The following ABCA1 variants were observed in gnomAD, a reference collection of about 807,000 sequenced individuals.
The protein encoded by ABCA1 is ATP binding cassette subfamily A member 1.
Under a neutral mutation model 262.5 loss-of-function variants are expected in ABCA1, and 133 were observed. That is an observed-to-expected ratio of 0.51 (90% confidence interval 0.44 to 0.59). ABCA1 has a LOEUF of 0.59. ABCA1 is among the 20% of genes least tolerant of loss of function. The probability of loss-of-function intolerance (pLI) is 0.00; values close to 1 mark genes in which losing one functional copy is unlikely to be tolerated. For missense variants in ABCA1, 2,452 were observed against 2,777.5 expected, an observed-to-expected ratio of 0.88 and a Z score of 2.63; for synonymous variants, 1,022 against 1,043.5, an observed-to-expected ratio of 0.98 and a Z score of 0.40.
In ABCA1 at chr9:104,802,096, A is replaced by T; in HGVS notation, c.4656T>A (p.Asn1552Lys). The T allele has an allele frequency of 6.2e-7, 1 of 1,614,192 alleles. No individual in the cohort carries two copies. Among genetic ancestry groups the T allele is most frequent in the African/African-American group, 1.3e-5 (1 of 75,046 alleles). The change falls in exon 34 of 50, where the codon AAT becomes AAA. Residue 1552 changes from asparagine to lysine, a missense_variant. Asn to Lys is a moderately conservative substitution (Grantham distance 94). Around this residue, in one of 4 missense-constraint regions of ABCA1, gnomAD observed 752 missense variants for 944.5 expected, o/e 0.80. Coordinates refer to ENST00000374736, the MANE Select transcript of ABCA1 (RefSeq NM_005502.4). ...TQALPPSQEV[N>K]DAIKQMKKHL... ...GTTTCTTCATTTGTTTGATGGCATC[A>T]TTAACTTCTTGACTCGGAGGAAGTG...
rs150765307 is a variant in ABCA1, at chr9:104,897,116, T to C, written c.66+6498A>G. Among the ~76,000 whole-genome samples the C allele has an allele frequency of 2.8e-3, 422 of 152,220 alleles. 2 individuals carry two copies. Among genetic ancestry groups the C allele is most frequent in the African/African-American group, 9.7e-3 (401 of 41,514 alleles). On this transcript the variant is annotated intron_variant, in intron 2 of 49. Coordinates refer to ENST00000374736, the MANE Select transcript of ABCA1 (RefSeq NM_005502.4). ...TTAAATAATCACTGGGATGACATGA[T>C]ATGAATGTGAAGAAAAATTAATTTT...
At chr9:104,900,092 C>T (rs1300565793) in intron 2 of ABCA1, among the ~76,000 whole-genome samples, 4 of 152,164 alleles carry the variant, frequency 2.6e-5, no homozygotes, top group East Asian at 1.9e-4. Context: ...AGGCAGGGGA[C>T]CCAGGAGTTA....
At chr9:104,901,241 G>A (rs1840644863) in intron 2 of ABCA1, among the ~76,000 whole-genome samples, 2 of 152,206 alleles carry the variant, frequency 1.3e-5, no homozygotes, top group Admixed American at 1.3e-4. Flanking sequence ...AAAAGTCACT[G>A]TGATGGGACA....
intron 3 of ABCA1, among the ~76,000 whole-genome samples, chr9:104,888,035 G>A (rs1271038568): frequency 3.3e-5 from 5 of 150,528 alleles, no homozygotes; most frequent in Admixed American, 2.6e-4. Context: ...AGGAAATCAC[G>A]TCTCAGAAAA....
intron 2 of ABCA1, among the ~76,000 whole-genome samples, chr9:104,901,551 T>C (rs1054410060): frequency 2.6e-5 from 4 of 151,998 alleles, no homozygotes; most frequent in African/African-American, 9.7e-5. Context: ...GATCACACTG[T>C]AGCAAAGGAA....
chr9:104,820,506 T>G (rs115139126), intron 20 of ABCA1, among the ~76,000 whole-genome samples: 2,766 of 152,158 alleles, frequency 0.018, 60 homozygotes, highest in African/African-American at 0.05. Context: ...TGTGTTCACT[T>G]TAGATGAGGA....
At chr9:104,905,644 C>G (rs188812798) in intron 1 of ABCA1, among the ~76,000 whole-genome samples, 105 of 152,330 alleles carry the variant, frequency 6.9e-4, no homozygotes, top group African/African-American at 2.4e-3. Flanking sequence ...GCACTGGCAA[C>G]CAGAGCAGCA....
At chr9:104,828,523 T>G (rs1435958491) in intron 15 of ABCA1, among the ~76,000 whole-genome samples, 4 of 152,208 alleles carry the variant, frequency 2.6e-5, no homozygotes, top group African/African-American at 9.6e-5. Flanking sequence ...CAGTCTAACC[T>G]GCAACAATAT....
intron 3 of ABCA1, among the ~76,000 whole-genome samples, chr9:104,884,899 T>C: frequency 6.6e-6 from 1 of 152,322 alleles, no homozygotes; most frequent in South Asian, 2.1e-4. Flanking sequence ...GACTTGGGGA[T>C]GCCCTAAGCC....
At chr9:104,903,813 C>T in intron 1 of ABCA1, 42 bp from the exon 2 acceptor site, 2 of 835,012 alleles carry the variant, frequency 2.4e-6, no homozygotes, top group South Asian at 2.9e-5. Context: ...TCAGTTATTG[C>T]TGCAAAGCCA....
In ABCA1 at chr9:104,836,961, T is replaced by A. The variant is rs1395716076; in HGVS notation, c.1311+19A>T. The A allele has an allele frequency of 1.3e-6, 2 of 1,588,838 alleles. No homozygotes were observed. Among genetic ancestry groups the A allele is most frequent in the South Asian group, 2.2e-5 (2 of 90,582 alleles). On this transcript the variant is annotated intron_variant, in intron 11 of 49. Transcript: ENST00000374736. ...CCAGTATCAAGCAGGCACATGGTAA[T>A]AATGGGAGGGACACTCACCCGGACA...
chr9:104,824,417 G>A, intron 18 of ABCA1, 48 bp downstream of exon 18: 1 of 1,612,610 alleles, frequency 6.2e-7, no homozygotes, highest in Non-Finnish European at 8.5e-7. Flanking sequence ...AGTTAGCAGA[G>A]GCAGCAGCAC....
intron 7 of ABCA1, among the ~76,000 whole-genome samples, chr9:104,857,711 A>G (rs2282152): frequency 6.6e-6 from 1 of 151,668 alleles, no homozygotes; most frequent in African/African-American, 2.4e-5. Flanking sequence ...TTACAATTTC[A>G]TTTTATTATA....
At chr9:104,870,024 T>C (rs1446380454) in intron 5 of ABCA1, among the ~76,000 whole-genome samples, 1 of 152,090 alleles carries the variant, frequency 6.6e-6, no homozygotes, top group Non-Finnish European at 1.5e-5. Flanking sequence ...AAAATAAATG[T>C]GGATAAAGTC....
At chr9:104,894,983 C>T (rs769806304) in intron 2 of ABCA1, among the ~76,000 whole-genome samples, 3 of 152,184 alleles carry the variant, frequency 2.0e-5, no homozygotes, top group Non-Finnish European at 4.4e-5. Flanking sequence ...TTGACTTCTG[C>T]CAGGATATGC....
In ABCA1 at chr9:104,814,197, G is replaced by A; in HGVS notation, c.3822C>T (p.Ala1274=). 1 of 1,614,234 alleles carries A rather than the reference G, an allele frequency of 6.2e-7. No individual in the cohort carries two copies. The highest frequency in any genetic ancestry group is 8.5e-7 in the Non-Finnish European group (1 of 1,180,048). Residue 1274 remains alanine (A), a synonymous_variant, in exon 27 of 50, where the codon GCC becomes GCT. Transcript: ENST00000374736. ...GAAGACAGCTCTGCTTGTCCCCGAA[G>A]GCCCGCCTGTTTCGTCTTGCTGGCA... ...GTLPARRNRR[A]FGDKQSCLRP... is the part of the protein sequence containing the mutation.
At chr9:104,863,522 C>T (rs4149286) in intron 5 of ABCA1, among the ~76,000 whole-genome samples, 9,045 of 152,208 alleles carry the variant, frequency 0.059, 455 homozygotes, top group East Asian at 0.29. Flanking sequence ...AGTTAATCCG[C>T]GGAGCTAAGA....
At chr9:104,899,589 G>C (rs1331173450) in intron 2 of ABCA1, among the ~76,000 whole-genome samples, 1 of 152,026 alleles carries the variant, frequency 6.6e-6, no homozygotes, top group African/African-American at 2.4e-5. Context: ...AGCTACCCGG[G>C]AGGCTGAGGC....
intron 13 of ABCA1, 49 bp downstream of exon 13, chr9:104,831,573 T>G (rs765283988): frequency 6.7e-7 from 1 of 1,483,002 alleles, no homozygotes; most frequent in African/African-American, 1.4e-5. Context: ...ATATAATAGG[T>G]GCTCTGGACC....
Sources: allele counts gnomAD v4.1 joint callset (sites outside exome capture counted in the v4.1 genomes callset), GRCh38; gene constraint gnomAD v4.1.1; regional missense constraint gnomAD v4.1.1; transcripts MANE v1.5; gene names NCBI Gene and HGNC (gene_info 2026-07-23, HGNC 2026-07-21).